Variants in BOD1L1 observed in about 807,000 individuals in gnomAD.
The protein encoded by BOD1L1 is biorientation of chromosomes in cell division 1 like 1.
Under a neutral mutation model 240.7 loss-of-function variants are expected in BOD1L1, and 86 were observed. That is an observed-to-expected ratio of 0.36 (90% confidence interval 0.30 to 0.43). BOD1L1 has a LOEUF of 0.43. Among genes scored for constraint, BOD1L1 ranks in the 20% least tolerant of loss-of-function variants. The pLI is 1.00. For missense variants in BOD1L1, 3,554 were observed against 3,643.5 expected (o/e 0.98, Z 0.63); for synonymous variants, 1,268 against 1,272.3 (o/e 1.00, Z 0.07).
chr4:13,599,217 G>A lies in BOD1L1; in HGVS notation c.7683C>T (p.Asp2561=). 1.2e-6 allele frequency: 2 copies of A among 1,613,870 alleles called. No homozygotes were observed. The highest frequency in any genetic ancestry group is 2.2e-5 in the South Asian group (2 of 91,078). ...FLPAEQQGSE[D]NLKTSTTKCI... ...ATTTGGTGGTACTGGTTTTCAAGTT[G>A]TCTTCAGACCCCTGCTGCTCAGCAG... The change falls in exon 10 of 26, where the codon GAC becomes GAT. Residue 2561 remains aspartate (D), a synonymous_variant. Transcript: ENST00000040738.
Position 13,589,172 on chromosome 4 carries a change from C to G in BOD1L1, c.8210-380G>C, listed in dbSNP as rs1233953853. ...CATTGCATCATAATCATCAGGCTAA[C>G]AAACAGTCACCAAACAATACCAAAT... is the stretch of plus-strand genomic sequence containing the variant. On this transcript the variant is annotated intron_variant, in intron 14 of 25. Coordinates refer to ENST00000040738, the MANE Select transcript of BOD1L1 (RefSeq NM_148894.3). 3.3e-5 allele frequency among the ~76,000 whole-genome samples: 5 copies of G among 152,196 alleles called. No homozygotes were observed. The East Asian group carries it at 9.6e-4, about 29-fold the overall frequency.
At position 13,604,449 on chromosome 4, in the gene BOD1L1, A is replaced by G. The variant is rs911241215; in HGVS notation, c.2451T>C (p.Asp817=). Residue 817 remains aspartate (D), a synonymous_variant, in exon 10 of 26, where the codon GAT becomes GAC. Coordinates refer to ENST00000040738, the MANE Select transcript of BOD1L1 (RefSeq NM_148894.3). ...TGTTGTTTTCTTTACGAACATTCTC[A>G]TCTGTTTTTATAATATATTCAGAAA... ...KPVSEYIIKT[D]ENVRKENNKK... is the part of the protein sequence containing the mutation. The G allele has an allele frequency of 3.9e-6, 6 of 1,557,814 alleles. No individual in the cohort carries two copies. The highest frequency in any genetic ancestry group is 5.2e-6 in the Non-Finnish European group (6 of 1,162,366).
chr4:13,599,536 T>C lies in BOD1L1; in HGVS notation c.7364A>G (p.His2455Arg). ...AGRGQKESTL[H>R]LINAEEKNVL... The stretch of plus-strand genomic sequence containing the variant: ...ATTCTTCTCTTCTGCATTTATGAGG[T>C]GTAAAGTGCTCTCTTTCTGTCCTCT... Residue 2455 changes from histidine to arginine, a missense_variant, in exon 10 of 26, where the codon CAC (histidine) becomes CGC (arginine). Coordinates refer to ENST00000040738, the MANE Select transcript of BOD1L1 (RefSeq NM_148894.3). The C allele has an allele frequency of 3.1e-6, 5 of 1,614,008 alleles. No homozygotes were observed. Among genetic ancestry groups the C allele is most frequent in the Non-Finnish European group, 4.2e-6 (5 of 1,179,886 alleles).
rs2108955406 is a variant in BOD1L1 at position 13,603,507 on chromosome 4, C to A, written c.3393G>T (p.Val1131=). The change falls in exon 10 of 26, where the codon GTG becomes GTT. Residue 1131 remains valine (V), a synonymous_variant. Coordinates refer to ENST00000040738, the MANE Select transcript of BOD1L1 (RefSeq NM_148894.3). The part of the protein sequence containing the change: ...EIDSEPGVEN[V]FEVSKTQDNR... ...TGTCTTGGGTTTTAGATACTTCAAA[C>A]ACATTTTCAACACCTGGCTCAGAAT... The A allele has an allele frequency of 6.2e-7, 1 of 1,613,980 alleles. No homozygotes were observed. The highest frequency in any genetic ancestry group is 8.5e-7 in the Non-Finnish European group (1 of 1,179,882).
rs1440368503 is a variant in BOD1L1 at position 13,600,101 on chromosome 4, G to A, written c.6799C>T (p.Pro2267Ser). Residue 2267 changes from proline to serine, a missense_variant, in exon 10 of 26, where the codon CCA becomes TCA. Pro to Ser is a moderately conservative substitution (Grantham distance 74, BLOSUM62 -1). Transcript: ENST00000040738. The stretch of plus-strand genomic sequence containing the variant: ...TCTTGAGGGACAGCACTGGACACTG[G>A]GCCCTCACAGTCTTCCACCGAGCTC... ...STSSVEDCEG[P>S]VSSAVPQEEG... 1 of 1,613,630 alleles carries A rather than the reference G, an allele frequency of 6.2e-7. No homozygotes were observed. Among genetic ancestry groups the A allele is most frequent in the African/African-American group, 1.3e-5 (1 of 74,862 alleles).
intron 17 of BOD1L1, among the ~76,000 whole-genome samples, chr4:13,584,443 T>A (rs61795288): frequency 0.19 from 14,206 of 75,014 alleles, 812 homozygotes; most frequent in Middle Eastern, 0.27. Flanking sequence ...AGAGAGAGAG[T>A]GTGTGTGTGT....
intron 18 of BOD1L1, 53 bp downstream of exon 18, chr4:13,582,599 C>T (rs959582579): frequency 8.1e-6 from 11 of 1,353,698 alleles, no homozygotes; most frequent in Admixed American, 5.3e-5. Flanking sequence ...TTGAGAGACA[C>T]GCTGGCTGCT....
intron 25 of BOD1L1, chr4:13,572,710 T>C: frequency 7.8e-7 from 1 of 1,289,800 alleles, no homozygotes; most frequent in Non-Finnish European, 1.0e-6. Context: ...ACCTTCCTAA[T>C]GGGGGAGAGT....
chr4:13,596,046 A>G, intron 11 of BOD1L1, 102 bp from the exon 12 acceptor site: 2 of 901,244 alleles, frequency 2.2e-6, no homozygotes, highest in Non-Finnish European at 3.4e-6. Flanking sequence ...TCCTGAAACA[A>G]TATAAAAGCC....
At chr4:13,574,907 GTTTTT>G (rs1560176617) in intron 25 of BOD1L1, among the ~76,000 whole-genome samples, 4 of 147,438 alleles carry the variant, frequency 2.7e-5, no homozygotes, top group Non-Finnish European at 4.5e-5. Context: ...TTGATTTTAA[GTTTTT>G]GTTTTTTTTT....
At chr4:13,584,800 A>G (rs1713541760) in intron 17 of BOD1L1, among the ~76,000 whole-genome samples, 1 of 152,160 alleles carries the variant, frequency 6.6e-6, no homozygotes, top group African/African-American at 2.4e-5. Context: ...ATTTTAGAAT[A>G]ATGACTTTAT....
In BOD1L1 at chr4:13,603,956, G is replaced by A. The variant is rs1230135722; in HGVS notation, c.2944C>T (p.His982Tyr). ...TGACTAGAATCCTTCTGTGTACTATGTGCTGAAGAAGAAGCAGTCTCTAAT... is the reference window on the plus strand; with the variant it reads ...TGACTAGAATCCTTCTGTGTACTATATGCTGAAGAAGAAGCAGTCTCTAAT... Reference protein sequence around the residue: ...PVLETASSSAHSTQKDSSHRA... With the variant: ...PVLETASSSAYSTQKDSSHRA... The change falls in exon 10 of 26, where the codon CAT becomes TAT. Residue 982 changes from histidine to tyrosine, a missense_variant. Coordinates refer to ENST00000040738, the MANE Select transcript of BOD1L1 (RefSeq NM_148894.3). The A allele has an allele frequency of 4.3e-6, 7 of 1,613,740 alleles. No individual in the cohort carries two copies. Among genetic ancestry groups the A allele is most frequent in the Admixed American group, 1.7e-5 (1 of 59,990 alleles).
At chr4:13,576,421 G>A (rs868606260) in intron 25 of BOD1L1, among the ~76,000 whole-genome samples, 2 of 152,140 alleles carry the variant, frequency 1.3e-5, no homozygotes, top group South Asian at 2.1e-4. Flanking sequence ...CATAGCACTG[G>A]TGAGATGCAT....
chr4:13,583,110 A>T, intron 17 of BOD1L1, among the ~76,000 whole-genome samples: 1 of 152,130 alleles, frequency 6.6e-6, no homozygotes, highest in East Asian at 1.9e-4. Flanking sequence ...TGGAGGGGAG[A>T]GATGTGGGGA....
intron 1 of BOD1L1, chr4:13,625,194 T>C (rs1332017844): frequency 2.0e-5 from 3 of 152,254 alleles, no homozygotes; most frequent in Non-Finnish European, 4.4e-5. Flanking sequence ...TATCATTCAA[T>C]TCTTGACCTC....
chr4:13,626,270 G>C (rs920854647), intron 1 of BOD1L1: 2 of 141,742 alleles, frequency 1.4e-5, no homozygotes, highest in Admixed American at 1.6e-4. Flanking sequence ...GCAGTGAGCC[G>C]AGATCACGCC....
chr4:13,591,400 A>C (rs1446179423), intron 13 of BOD1L1, among the ~76,000 whole-genome samples: 1 of 152,218 alleles, frequency 6.6e-6, no homozygotes, highest in Non-Finnish European at 1.5e-5. Flanking sequence ...TTGTCTGCAC[A>C]TTTGGAAACA....
intron 5 of BOD1L1, 93 bp from the exon 6 acceptor site, chr4:13,611,193 A>T (rs1175781835): frequency 4.9e-6 from 4 of 816,096 alleles, no homozygotes; most frequent in Non-Finnish European, 3.7e-6. Flanking sequence ...GATGAATTGG[A>T]GGTCCAAAAG....
chr4:13,613,670 G>C lies in BOD1L1; in HGVS notation c.1175-9C>G. The C allele has an allele frequency of 6.7e-7, 1 of 1,490,900 alleles. No homozygotes were observed. The highest frequency in any genetic ancestry group is 9.0e-7 in the Non-Finnish European group (1 of 1,109,094). 92.4% of individuals were successfully genotyped at this position (1,490,900 alleles called of 1,614,324 possible). The stretch of plus-strand genomic sequence containing the variant: ...ATCTATCAAAGAGAAATCTTCAAGC[G>C]GAAAATAAAACACAGAAAAAAAAAT... On this transcript the variant is annotated splice_polypyrimidine_tract_variant and intron_variant, in intron 4 of 25. Transcript: ENST00000040738. The surrounding 1 kb of genome is among the most constrained non-coding windows in gnomAD (Gnocchi z 4.0).
Sources: allele counts gnomAD v4.1 joint callset (sites outside exome capture counted in the v4.1 genomes callset), GRCh38; gene constraint gnomAD v4.1.1; non-coding constraint Gnocchi (gnomAD v3.1); transcripts MANE v1.5; gene names NCBI Gene and HGNC (gene_info 2026-07-23, HGNC 2026-07-21).